ADPRHL1: variants seen among roughly 807,000 people sequenced by gnomAD.
ADPRHL1 encodes ADP-ribosylhydrolase like 1.
ADPRHL1 carries 43 observed loss-of-function variants against 44.1 expected under a neutral mutation model. That is an observed-to-expected ratio of 0.98 (90% CI 0.76 to 1.26). The LOEUF (loss-of-function observed/expected upper bound fraction) is 1.26. ADPRHL1 is among the 50% of genes most tolerant of loss of function. ADPRHL1 has a pLI of 0.00. For synonymous variants in ADPRHL1, 878 were observed against 1,017.4 expected, an observed-to-expected ratio of 0.86 and a Z score of 2.61; for missense variants, 2,022 against 2,496.9, an observed-to-expected ratio of 0.81 and a Z score of 4.05.
At chr13:113,450,131 T>A in intron 1 of ADPRHL1, among the ~76,000 whole-genome samples, 1 of 152,164 alleles carries the variant, frequency 6.6e-6, no homozygotes, top group East Asian at 1.9e-4. Flanking sequence ...TTTCCTAGGC[T>A]GATCTAGAAC....
Position 113,403,771 on chromosome 13 carries a change from CCCCCCACTCCTG to C in ADPRHL1, c.5499_5510del (p.Arg1834_Gly1837del), listed in dbSNP as rs927942761. 5.7e-6 allele frequency: 7 copies of C among 1,232,834 alleles called. No individual in the cohort carries two copies. The African/African-American group carries it at 1.1e-4, about 19-fold the overall frequency. 76.4% of individuals were successfully genotyped at this position (1,232,834 alleles called of 1,614,324 possible). The stretch of plus-strand genomic sequence containing the variant: ...CATCCCTGGGGGCTGGGCTTCTGGA[CCCCCCACTCCTG>C]CCAGCAGCATCCACTCCCTCAGCTA... On this transcript the variant is annotated inframe_deletion, in exon 8 of 8. Transcript: ENST00000612156.
intron 7 of ADPRHL1, among the ~76,000 whole-genome samples, chr13:113,419,996 G>C (rs111459733): frequency 1.1e-4 from 17 of 152,246 alleles, no homozygotes; most frequent in African/African-American, 3.9e-4. Flanking sequence ...CACAGCTCGG[G>C]GGGTGTGTGA....
At position 113,433,770 on chromosome 13, in the gene ADPRHL1, G is replaced by A. The variant is rs113433954; in HGVS notation, c.477C>T (p.Cys159=). 9.9e-4 allele frequency: 1,581 copies of A among 1,594,324 alleles called. 9 individuals carry two copies. The African/African-American group carries it at 0.015, about 15-fold the overall frequency. The change falls in exon 3 of 8, where the codon TGC becomes TGT. Residue 159 remains cysteine, a synonymous_variant. Coordinates refer to ENST00000612156, the MANE Select transcript of ADPRHL1 (RefSeq NM_001394807.1). ...TGGGATGGTTGTGGGTCATCCGGCC[G>A]CACTCCACGCTGACCTCGATGAGGG... The part of the protein sequence containing the change: ...LETLIEVSVE[C]GRMTHNHPTG...
intron 2 of ADPRHL1, among the ~76,000 whole-genome samples, chr13:113,438,476 C>T (rs1471482496): frequency 6.6e-6 from 1 of 152,002 alleles, no homozygotes; most frequent in African/African-American, 2.4e-5. Flanking sequence ...GGCAGATCAC[C>T]TGAGGTCAGG....
intron 3 of ADPRHL1, among the ~76,000 whole-genome samples, chr13:113,429,941 A>G (rs1041310415): frequency 1.2e-4 from 18 of 152,234 alleles, no homozygotes; most frequent in African/African-American, 4.3e-4. Flanking sequence ...GCATGCGAGT[A>G]TATATGTATT....
chr13:113,420,062 A>C (rs1269372270), intron 7 of ADPRHL1, among the ~76,000 whole-genome samples: 1 of 150,930 alleles, frequency 6.6e-6, no homozygotes, highest in Non-Finnish European at 1.5e-5. Flanking sequence ...GGGTGGTTGG[A>C]AGCAGCTTTC....
At position 113,407,498 on chromosome 13, in the gene ADPRHL1, G is replaced by A. The variant is rs1490500720; in HGVS notation, c.1784C>T (p.Thr595Met). 3.2e-6 allele frequency: 4 copies of A among 1,232,170 alleles called. No homozygotes were observed. The highest frequency in any genetic ancestry group is 4.1e-5 in the South Asian group (1 of 24,328). The allele number at this position is 1,232,170 out of a possible 1,614,324, so 76.3% of individuals were successfully genotyped here. A position where few individuals can be genotyped will look rare whatever the true frequency, so the allele number is the denominator to read the frequency against. Reference sequence around the variant, plus strand: ...GACGCAGGTGCTGGCCATGGTGGCCGTGTGCAGCACGCGCACCTCCGGCCG... The same window carrying A: ...GACGCAGGTGCTGGCCATGGTGGCCATGTGCAGCACGCGCACCTCCGGCCG... ...MHRPEVRVLH[T>M]ATMASTCVKM... Residue 595 changes from threonine (T) to methionine (M), a missense_variant, in exon 8 of 8, where the codon ACG becomes ATG. By Grantham distance (81) the Thr-to-Met change is moderately conservative. Coordinates refer to ENST00000612156, the MANE Select transcript of ADPRHL1 (RefSeq NM_001394807.1).
chr13:113,411,643 T>A (rs192474725), intron 7 of ADPRHL1, among the ~76,000 whole-genome samples: 522 of 152,276 alleles, frequency 3.4e-3, no homozygotes, highest in Non-Finnish European at 5.7e-3. Flanking sequence ...ATCAGGATGC[T>A]CTTCTGGGTT....
At chr13:113,424,671 A>ACCTATCCAC (rs367703328) in intron 5 of ADPRHL1, among the ~76,000 whole-genome samples, 1 of 3,364 alleles carries the variant, frequency 3.0e-4, no homozygotes, top group Non-Finnish European at 7.4e-4. Flanking sequence ...CCATCCATTC[A>ACCTATCCAC]CCATCCATTC....
intron 4 of ADPRHL1, among the ~76,000 whole-genome samples, chr13:113,425,873 G>C (rs1411712060): frequency 2.0e-5 from 3 of 151,712 alleles, no homozygotes; most frequent in African/African-American, 7.3e-5. Flanking sequence ...TAGAGATGGG[G>C]TTTCACCATA....
At chr13:113,422,538 G>A in intron 7 of ADPRHL1, 2 of 434,266 alleles carry the variant, frequency 4.6e-6, no homozygotes, top group South Asian at 5.5e-5. Context: ...TACAGCGCCT[G>A]TCCAGGAGAC....
chr13:113,429,912 T>G (rs1172772148), intron 3 of ADPRHL1, among the ~76,000 whole-genome samples: 1 of 152,226 alleles, frequency 6.6e-6, no homozygotes, highest in East Asian at 1.9e-4. Flanking sequence ...ATTTTACAAC[T>G]GTTTACTGAA....
Position 113,401,834 on chromosome 13 carries a change from A to G in ADPRHL1, c.*1544T>C, listed in dbSNP as rs2043764328. On this transcript the variant is annotated 3_prime_UTR_variant, in exon 8 of 8. Coordinates refer to ENST00000612156, the MANE Select transcript of ADPRHL1 (RefSeq NM_001394807.1). This position sits in a 1 kb window ranked among gnomAD's most constrained non-coding sequence, Gnocchi z 5.5. ...GCCGCCTCCTTGGCGCTGCAGAGCC[A>G]AAGCCACTGGCGTCTGCCGGGATGG... 6.6e-6 allele frequency: 1 copy of G among 152,274 alleles called. No individual in the cohort carries two copies. The highest frequency in any genetic ancestry group is 2.1e-4 in the South Asian group (1 of 4,840). The allele number at this position is 152,274 out of a possible 1,614,324, so 9.4% of individuals were successfully genotyped here.
Position 113,425,115 on chromosome 13 carries a change from G to A in ADPRHL1, c.711C>T (p.Ile237=). 1 of 1,613,568 alleles carries A rather than the reference G, an allele frequency of 6.2e-7. No homozygotes were observed. The highest frequency in any genetic ancestry group is 1.7e-5 in the Admixed American group (1 of 59,992). ...KWQFYLEERK[I]SKDSENKAIF... is the part of the protein sequence containing the mutation. ...TGGCTTTATTTTCTGAGTCTTTACTGATTTTCCTCTCCTCCAAATAAAATT... is the reference window on the plus strand; with the variant it reads ...TGGCTTTATTTTCTGAGTCTTTACTAATTTTCCTCTCCTCCAAATAAAATT... Residue 237 remains isoleucine, a synonymous_variant, in exon 5 of 8, where the codon ATC becomes ATT. Coordinates refer to ENST00000612156, the MANE Select transcript of ADPRHL1 (RefSeq NM_001394807.1).
At chr13:113,430,389 C>G (rs922686403) in intron 3 of ADPRHL1, among the ~76,000 whole-genome samples, 5 of 152,174 alleles carry the variant, frequency 3.3e-5, no homozygotes, top group Admixed American at 6.5e-5. Flanking sequence ...GTGGGGACTG[C>G]AGCCGCTGCG....
At chr13:113,448,189 A>T (rs1370904765) in intron 1 of ADPRHL1, among the ~76,000 whole-genome samples, 1 of 151,980 alleles carries the variant, frequency 6.6e-6, no homozygotes, top group Non-Finnish European at 1.5e-5. Context: ...TGAAAGACAA[A>T]TCAGTTTCTA....
Position 113,406,903 on chromosome 13 carries a change from T to A in ADPRHL1, c.2379A>T (p.Gly793=). The A allele has an allele frequency of 8.1e-7, 1 of 1,232,206 alleles. No homozygotes were observed. The highest frequency in any genetic ancestry group is 4.1e-5 in the South Asian group (1 of 24,320). 76.3% of individuals were successfully genotyped at this position (1,232,206 alleles called of 1,614,324 possible). ...CTCTCCCTGGGTCTGGGAAGCCTGC[T>A]CCTTCCCTTTCATCCTCTGAACTGC... The part of the protein sequence containing the change: ...TVCSSEDERE[G]AGFPDPGRDP... Residue 793 remains glycine (G), a synonymous_variant, in exon 8 of 8, where the codon GGA becomes GGT. Coordinates refer to ENST00000612156, the MANE Select transcript of ADPRHL1 (RefSeq NM_001394807.1).
chr13:113,424,434 C>T, intron 5 of ADPRHL1, 85 bp from the exon 6 acceptor site: 6 of 1,556,164 alleles, frequency 3.9e-6, no homozygotes, highest in Non-Finnish European at 5.2e-6. Flanking sequence ...TGGGCCCCTC[C>T]TAGTGAACTG....
At chr13:113,416,987 C>T (rs1243265599) in intron 7 of ADPRHL1, among the ~76,000 whole-genome samples, 2 of 152,168 alleles carry the variant, frequency 1.3e-5, no homozygotes, top group East Asian at 1.9e-4. Context: ...GGCAAAGGGG[C>T]GTGGGAGTTG....
Sources: gnomAD v4.1 joint callset for allele counts (sites outside exome capture counted in the v4.1 genomes callset) on GRCh38, gnomAD v4.1.1 for gene constraint, Gnocchi (gnomAD v3.1) non-coding constraint, MANE v1.5 for transcripts, NCBI Gene and HGNC (gene_info 2026-07-23, HGNC 2026-07-21) for gene names.